Variants in LETMD1 observed in about 807,000 individuals in gnomAD.
LETMD1 encodes LETM1 domain-containing protein 1.
A neutral mutation model predicts 43.9 loss-of-function variants in LETMD1; 30 were observed. That is an observed-to-expected ratio of 0.68 (90% CI 0.51 to 0.93). LETMD1 has a LOEUF of 0.93. LETMD1 is among the 40% of genes least tolerant of loss of function. The pLI is 0.00. For synonymous variants in LETMD1, 176 were observed against 163.1 expected, an observed-to-expected ratio of 1.08 and a Z score of -0.60; for missense variants, 413 against 447.7, an observed-to-expected ratio of 0.92 and a Z score of 0.70.
intron 4 of LETMD1, 122 bp from the exon 5 acceptor site, chr12:51,055,713 A>T: frequency 4.2e-6 from 2 of 472,656 alleles, no homozygotes; most frequent in East Asian, 3.6e-5. Context: ...AAGAACACTG[A>T]GGTAGGGAAA....
chr12:51,052,159 T>G lies in LETMD1; in HGVS notation c.342T>G (p.Asn114Lys), dbSNP rs1308334630. The G allele has an allele frequency of 5.6e-6, 9 of 1,613,908 alleles. No individual in the cohort carries two copies. In the Admixed American group the frequency reaches 8.3e-5, roughly 15 times the overall value. The change falls in exon 3 of 9, where the codon AAT (asparagine) becomes AAG (lysine). Residue 114 changes from asparagine (N) to lysine (K), a missense_variant. Coordinates refer to ENST00000262055, the MANE Select transcript of LETMD1 (RefSeq NM_015416.5). ...RRIKTNMWKH[N>K]IKFHQLPYRE... is the part of the protein sequence containing the mutation. ...TAAAGACAAATATGTGGAAGCACAA[T>G]ATAAAGTTTCATCAACTTCCATACC...
downstream of LETMD1, chr12:51,064,491 G>A (rs147317231): frequency 4.1e-4 from 659 of 1,610,742 alleles, 8 homozygotes; most frequent in East Asian, 9.1e-3. Context: ...ACTGGCAGTC[G>A]GGGAGGGCTC....
intron 4 of LETMD1, 149 bp from the exon 5 acceptor site, chr12:51,055,686 A>AAC (rs1947467968): frequency 4.4e-6 from 2 of 450,628 alleles, no homozygotes; most frequent in Non-Finnish European, 7.8e-6. Context: ...AAAAAAAAAA[A>AAC]AAAACTGAAA....
chr12:51,066,651 A>AC, the LETMD1 span, among the ~76,000 whole-genome samples: 1 of 151,152 alleles, frequency 6.6e-6, no homozygotes, highest in African/African-American at 2.4e-5. Flanking sequence ...AAAAAAAAAA[A>AC]AGGGCAGCCA....
At position 51,055,343 on chromosome 12, in the gene LETMD1, T is replaced by G. The variant is rs1947345347; in HGVS notation, c.474-492T>G. On this transcript the variant is annotated intron_variant, in intron 4 of 8. Coordinates refer to ENST00000262055, the MANE Select transcript of LETMD1 (RefSeq NM_015416.5). ...TGGTGCTTGAAATTGTGCTTCAGTG[T>G]GTCTTATAAACTTTGGTCTGAGAGT... Among the ~76,000 whole-genome samples, 5 of 152,116 alleles carry G rather than the reference T, an allele frequency of 3.3e-5. No homozygotes were observed. The South Asian group carries it at 1.0e-3, about 32-fold the overall frequency.
rs148634258 is a variant in LETMD1 at position 51,059,467 on chromosome 12, G to A, written c.*36G>A. 195 of 1,572,148 alleles carry A rather than the reference G, an allele frequency of 1.2e-4. No individual in the cohort carries two copies. The highest frequency in any genetic ancestry group is 1.6e-4 in the African/African-American group (12 of 74,202). ...GAGCGGATGGCATTGTCCTGCAGTC[G>A]TATAGTATAGCAGTGCAGGAACAAA... is the stretch of plus-strand genomic sequence containing the variant. On this transcript the variant is annotated 3_prime_UTR_variant, in exon 9 of 9. Transcript: ENST00000262055.
downstream of LETMD1, chr12:51,064,454 A>G (rs767756747): frequency 4.5e-5 from 72 of 1,610,330 alleles, 1 homozygote; most frequent in Admixed American, 9.9e-4. Flanking sequence ...CCTGGGTCTC[A>G]GAGCCCTGTG....
Position 51,052,172 on chromosome 12 carries a change from CA to C in LETMD1, c.357del (p.Gln119HisfsTer10). ...GTGGAAGCACAATATAAAGTTTCATCAACTTCCATACCGGGAGATGGAGCAT... is the reference window on the plus strand; with the variant it reads ...GTGGAAGCACAATATAAAGTTTCATCACTTCCATACCGGGAGATGGAGCAT... ...NMWKHNIKFH[Q>X]LPYREMEHLR... On this transcript the variant is annotated frameshift_variant, in exon 3 of 9. Coordinates refer to ENST00000262055, the MANE Select transcript of LETMD1 (RefSeq NM_015416.5). LOFTEE classifies it high-confidence loss of function. 3.7e-6 allele frequency: 6 copies of C among 1,613,934 alleles called. No homozygotes were observed. The highest frequency in any genetic ancestry group is 5.1e-6 in the Non-Finnish European group (6 of 1,179,800).
chr12:51,056,653 T>A, intron 7 of LETMD1, 151 bp downstream of exon 7: 1 of 568,738 alleles, frequency 1.8e-6, no homozygotes, highest in Non-Finnish European at 2.9e-6. Flanking sequence ...ATGATTTATT[T>A]TTATTTATTT....
At chr12:51,066,595 C>T in the LETMD1 span, among the ~76,000 whole-genome samples, 4 of 151,026 alleles carry the variant, frequency 2.6e-5, no homozygotes, top group Admixed American at 6.6e-5. Context: ...GAGCCAAGAT[C>T]GCGCCACTGC....
intron 3 of LETMD1, 82 bp downstream of exon 3, chr12:51,052,289 T>C (rs756923496): frequency 1.3e-6 from 2 of 1,529,888 alleles, no homozygotes; most frequent in Non-Finnish European, 1.8e-6. Flanking sequence ...TTCTTTCATT[T>C]GTTGTTCACC....
chr12:51,048,857 A>T lies in LETMD1; in HGVS notation c.123-177A>T, dbSNP rs142683008. The T allele has an allele frequency of 4.1e-4, 263 of 647,816 alleles. 1 individual carries two copies. The African/African-American group carries it at 4.3e-3, about 11-fold the overall frequency. The allele number at this position is 647,816 out of a possible 1,614,324, so 40.1% of individuals were successfully genotyped here. ...TACTTTCCTGCCTGGCCTTTGCCTG[A>T]TTTGTGTTTCACAGTCTGATTGCCT... is the stretch of plus-strand genomic sequence containing the variant. On this transcript the variant is annotated intron_variant, in intron 1 of 8. Coordinates refer to ENST00000262055, the MANE Select transcript of LETMD1 (RefSeq NM_015416.5).
At chr12:51,056,555 T>C in intron 7 of LETMD1, 53 bp downstream of exon 7, 1 of 1,603,894 alleles carries the variant, frequency 6.2e-7, no homozygotes, top group Non-Finnish European at 8.5e-7. Flanking sequence ...CTTTTGAGCC[T>C]ATGGCAGGCC....
chr12:51,061,397 G>A (rs1305658940), downstream of LETMD1: 3 of 152,618 alleles, frequency 2.0e-5, no homozygotes, highest in Non-Finnish European at 4.4e-5. Context: ...GTGGTAATAA[G>A]AGTCATTTAT....
downstream of LETMD1, among the ~76,000 whole-genome samples, chr12:51,065,132 G>A (rs151245012): frequency 5.0e-3 from 766 of 152,318 alleles, 7 homozygotes; most frequent in African/African-American, 0.017. Context: ...ATGGGAGAGT[G>A]AGTGGAAGAT....
chr12:51,056,279 A>G (rs758442883), intron 6 of LETMD1, 34 bp downstream of exon 6: 1 of 1,613,410 alleles, frequency 6.2e-7, no homozygotes, highest in Admixed American at 1.7e-5. Context: ...TTTCCATAGC[A>G]TCACCATGTT....
chr12:51,051,893 G>A (rs971138332), intron 2 of LETMD1, among the ~76,000 whole-genome samples, 199 bp from the exon 3 acceptor site: 2 of 152,186 alleles, frequency 1.3e-5, no homozygotes, highest in Admixed American at 1.3e-4. Context: ...CTAGAAGAGA[G>A]GCGATGTGCT....
chr12:51,067,895 A>T, the LETMD1 span: 20 of 1,613,962 alleles, frequency 1.2e-5, no homozygotes, highest in Non-Finnish European at 2.5e-6. The surrounding 1 kb of genome is among the most constrained non-coding windows in gnomAD (Gnocchi z 4.1). Context: ...TTTCCACATC[A>T]ATATCTTCAT....
Position 51,053,710 on chromosome 12 carries a change from G to A in LETMD1, c.391-68G>A, listed in dbSNP as rs1408526855. The A allele has an allele frequency of 3.9e-6, 4 of 1,032,638 alleles. No individual in the cohort carries two copies. The African/African-American group carries it at 4.8e-5, about 12-fold the overall frequency. The allele number at this position is 1,032,638 out of a possible 1,614,324, so 64.0% of individuals were successfully genotyped here. On this transcript the variant is annotated intron_variant, in intron 3 of 8. Coordinates refer to ENST00000262055, the MANE Select transcript of LETMD1 (RefSeq NM_015416.5). ...ATAGAAGTTTACTGTACAGTGGGGT[G>A]GATGGATTGTCTATTGTATTAACAA...
Sources: allele counts gnomAD v4.1 joint callset (sites outside exome capture counted in the v4.1 genomes callset), GRCh38; gene constraint gnomAD v4.1.1; non-coding constraint Gnocchi (gnomAD v3.1); transcripts MANE v1.5; gene names NCBI Gene and HGNC (gene_info 2026-07-23, HGNC 2026-07-21).